Variants in CLVS1 observed in about 807,000 individuals in gnomAD.
CLVS1 encodes clavesin 1.
A neutral mutation model predicts 33.1 loss-of-function variants in CLVS1; 10 were observed. The observed-to-expected ratio is 0.30, with a 90% confidence interval of 0.19 to 0.51. CLVS1 has a LOEUF of 0.51. CLVS1 is among the 20% of genes least tolerant of loss of function. CLVS1 has a pLI of 0.97. For synonymous variants in CLVS1, 163 were observed against 166.1 expected, an observed-to-expected ratio of 0.98 and a Z score of 0.14; for missense variants, 343 against 433.4, an observed-to-expected ratio of 0.79 and a Z score of 1.85.
chr8:61,361,536 G>T (rs974766537), intron 2 of CLVS1, among the ~76,000 whole-genome samples: 1 of 152,164 alleles, frequency 6.6e-6, no homozygotes, highest in Admixed American at 6.5e-5. Flanking sequence ...TGCCTTGGCT[G>T]CAGAGAAAGC....
intron 1 of CLVS1, among the ~76,000 whole-genome samples, chr8:61,083,712 A>G (rs563610689): frequency 6.6e-6 from 1 of 152,308 alleles, no homozygotes; most frequent in African/African-American, 2.4e-5. Flanking sequence ...AAAACAGAGT[A>G]TATAGATCTA....
chr8:61,291,123 G>A (rs1490260914), intron 1 of CLVS1, among the ~76,000 whole-genome samples: 1 of 152,152 alleles, frequency 6.6e-6, no homozygotes, highest in Admixed American at 6.5e-5. Flanking sequence ...GAGATAATAA[G>A]TTCATTTTTC....
chr8:60,966,746 G>A, the CLVS1 span, among the ~76,000 whole-genome samples: 2 of 152,126 alleles, frequency 1.3e-5, no homozygotes, highest in Non-Finnish European at 2.9e-5. Flanking sequence ...GTAAGAAATA[G>A]GACAGTATTT....
chr8:61,103,419 T>C (rs1805484347), intron 1 of CLVS1, among the ~76,000 whole-genome samples: 1 of 152,070 alleles, frequency 6.6e-6, no homozygotes, highest in Non-Finnish European at 1.5e-5. Flanking sequence ...AAACTGAGAG[T>C]AGTTTGATCT....
At chr8:60,976,321 A>T in the CLVS1 span, among the ~76,000 whole-genome samples, 11 of 152,134 alleles carry the variant, frequency 7.2e-5, no homozygotes, top group African/African-American at 2.6e-4. Context: ...TGAACTTGGA[A>T]TTAATAATTA....
At chr8:60,977,857 C>T in the CLVS1 span, among the ~76,000 whole-genome samples, 1 of 152,158 alleles carries the variant, frequency 6.6e-6, no homozygotes, top group East Asian at 1.9e-4. Flanking sequence ...TACACAGAGA[C>T]ACATTATAGT....
intron 2 of CLVS1, among the ~76,000 whole-genome samples, chr8:61,328,779 AG>A (rs1460227364): frequency 6.6e-6 from 1 of 152,132 alleles, no homozygotes; most frequent in Non-Finnish European, 1.5e-5. Context: ...CTGGAAGCAA[AG>A]ATTTGTCTTT....
chr8:61,115,229 A>G lies in CLVS1; in HGVS notation c.-242-16541A>G, dbSNP rs569571982. ...TTCTCATGAGCAAAACAAAGCTGATAATAACCATTTCTCACTGTTATTGTG... is the reference window on the plus strand; with the variant it reads ...TTCTCATGAGCAAAACAAAGCTGATGATAACCATTTCTCACTGTTATTGTG... On this transcript the variant is annotated intron_variant, in intron 1 of 2. Coordinates refer to the CLVS1 transcript ENST00000522621. Among the ~76,000 whole-genome samples, 10 of 152,342 alleles carry G rather than the reference A, an allele frequency of 6.6e-5. No homozygotes were observed. In the South Asian group the frequency reaches 2.1e-3, roughly 32 times the overall value.
the CLVS1 span, among the ~76,000 whole-genome samples, chr8:60,982,695 C>A: frequency 6.6e-6 from 1 of 152,176 alleles, no homozygotes; most frequent in Non-Finnish European, 1.5e-5. Flanking sequence ...AGGTTTTTAA[C>A]TGCAGCCTGA....
chr8:61,477,410 C>T (rs950506271), intron 5 of CLVS1, among the ~76,000 whole-genome samples: 1 of 152,148 alleles, frequency 6.6e-6, no homozygotes, highest in Non-Finnish European at 1.5e-5. Context: ...TAGAATTGAC[C>T]TGTGAATCCA....
chr8:61,187,540 A>T (rs541808539), intron 2 of CLVS1, among the ~76,000 whole-genome samples: 3 of 152,236 alleles, frequency 2.0e-5, no homozygotes, highest in East Asian at 3.9e-4. Flanking sequence ...CTCAATCTTT[A>T]CAACAAACTT....
At chr8:61,296,349 A>G (rs920117797) in intron 1 of CLVS1, among the ~76,000 whole-genome samples, 2 of 152,238 alleles carry the variant, frequency 1.3e-5, no homozygotes, top group Admixed American at 6.5e-5. Context: ...ATGTGGAAGC[A>G]GGCCATGAAA....
chr8:61,246,449 T>G (rs1461852783), intron 2 of CLVS1, among the ~76,000 whole-genome samples: 2 of 151,870 alleles, frequency 1.3e-5, no homozygotes, highest in Non-Finnish European at 2.9e-5. Flanking sequence ...GGATTACAGG[T>G]GTGAGCCACT....
chr8:61,097,481 C>T (rs16926851), intron 1 of CLVS1, among the ~76,000 whole-genome samples: 2,686 of 152,254 alleles, frequency 0.018, 29 homozygotes, highest in Non-Finnish European at 0.026. Context: ...CTGTTTCACT[C>T]GTGAGAGTTT....
chr8:61,379,810 G>C (rs142646049), intron 3 of CLVS1, among the ~76,000 whole-genome samples: 1 of 152,112 alleles, frequency 6.6e-6, no homozygotes, highest in African/African-American at 2.4e-5. Context: ...GTGAAGCCTC[G>C]GACATTCTGA....
chr8:61,478,464 A>C (rs1046073110), intron 5 of CLVS1, among the ~76,000 whole-genome samples: 1 of 152,166 alleles, frequency 6.6e-6, no homozygotes, highest in African/African-American at 2.4e-5. Flanking sequence ...GTCTCTTTGT[A>C]GGTCTCTAAG....
At chr8:60,992,103 C>A in the CLVS1 span, among the ~76,000 whole-genome samples, 1 of 152,176 alleles carries the variant, frequency 6.6e-6, no homozygotes, top group Non-Finnish European at 1.5e-5. Context: ...GCAGCCTTCC[C>A]ATGCCATCCC....
At chr8:61,223,215 TC>T (rs1808258055) in intron 2 of CLVS1, among the ~76,000 whole-genome samples, 2 of 152,220 alleles carry the variant, frequency 1.3e-5, no homozygotes, top group African/African-American at 4.8e-5. Context: ...TTTGATCCTG[TC>T]ATCAAGATGC....
intron 2 of CLVS1, among the ~76,000 whole-genome samples, chr8:61,235,351 T>C (rs1808533616): frequency 6.6e-6 from 1 of 152,146 alleles, no homozygotes; most frequent in Admixed American, 6.5e-5. Flanking sequence ...ATGGAAATGC[T>C]TTAAAAAAAG....
Sources: allele counts gnomAD v4.1 joint callset (sites outside exome capture counted in the v4.1 genomes callset), GRCh38; gene constraint gnomAD v4.1.1; transcripts MANE v1.5; gene names NCBI Gene and HGNC (gene_info 2026-07-23, HGNC 2026-07-21).